Variants in ZC4H2 observed in about 807,000 individuals in gnomAD.
The protein encoded by ZC4H2 is zinc finger C4H2 domain-containing protein.
For synonymous variants in ZC4H2, 84 were observed against 66.3 expected (o/e 1.27, Z -1.30); for missense variants, 137 against 173.9 (o/e 0.79, Z 1.19).
intron 1 of ZC4H2, among the ~76,000 whole-genome samples, chrX:65,033,934 C>A: frequency 9.1e-6 from 1 of 110,317 alleles, no homozygotes; most frequent in Non-Finnish European, 1.9e-5. Context: ...ACTAAAAATA[C>A]AAAAATTAGC....
chrX:64,955,194 A>G (rs1454663218), intron 1 of ZC4H2, among the ~76,000 whole-genome samples: 1 of 111,989 alleles, frequency 8.9e-6, no homozygotes, highest in Non-Finnish European at 1.9e-5. Context: ...AAAACAATCA[A>G]ACCTTCAGGT....
chrX:64,920,353 A>C (rs1929142217), intron 2 of ZC4H2, 100 bp from the exon 3 acceptor site: 2 of 933,348 alleles, frequency 2.1e-6, no homozygotes, highest in Non-Finnish European at 2.9e-6. Flanking sequence ...GAACTTGTTC[A>C]GTCTATATTC....
intron 1 of ZC4H2, among the ~76,000 whole-genome samples, chrX:64,942,585 G>A (rs1930340558): frequency 9.5e-6 from 1 of 105,280 alleles, no homozygotes; most frequent in Non-Finnish European, 1.9e-5. Flanking sequence ...TGTGGTGTTT[G>A]GTTTTCTGTT....
At chrX:65,015,035 A>G (rs1481356419) in intron 1 of ZC4H2, among the ~76,000 whole-genome samples, 2 of 111,567 alleles carry the variant, frequency 1.8e-5, no homozygotes, top group African/African-American at 6.5e-5. Flanking sequence ...GCAAATTAAA[A>G]TCCCAAACTG....
chrX:64,941,652 A>G (rs1328054372), intron 1 of ZC4H2, among the ~76,000 whole-genome samples: 3 of 112,217 alleles, frequency 2.7e-5, no homozygotes, highest in Non-Finnish European at 3.8e-5. Context: ...TGAAATAATC[A>G]TGAGGTTTTT....
intron 1 of ZC4H2, among the ~76,000 whole-genome samples, chrX:64,995,454 GGC>G (rs2147275918): frequency 8.9e-6 from 1 of 111,964 alleles, no homozygotes; most frequent in East Asian, 2.8e-4. Context: ...ATGCCTCCTG[GGC>G]TAAAGTGATC....
intron 1 of ZC4H2, among the ~76,000 whole-genome samples, chrX:64,984,462 C>T (rs1270319478): frequency 2.7e-5 from 3 of 111,318 alleles, no homozygotes; most frequent in Non-Finnish European, 3.8e-5. Flanking sequence ...GGTTGCATTA[C>T]GGATGAATTC....
chrX:65,024,987 A>G (rs1336532997), intron 1 of ZC4H2, among the ~76,000 whole-genome samples: 3 of 110,758 alleles, frequency 2.7e-5, no homozygotes, highest in African/African-American at 9.9e-5. Context: ...AATCCTACAC[A>G]TGTACTCCCC....
At chrX:64,939,604 A>T (rs927154139) in intron 1 of ZC4H2, among the ~76,000 whole-genome samples, 2 of 109,864 alleles carry the variant, frequency 1.8e-5, no homozygotes, top group African/African-American at 6.6e-5. Context: ...ATAGAACAGA[A>T]CAGAGGCCTC....
intron 4 of ZC4H2, chrX:64,918,162 TGAA>T (rs778386058): frequency 3.9e-6 from 1 of 259,095 alleles, no homozygotes; most frequent in African/African-American, 2.8e-5. Flanking sequence ...GTCATTATAA[TGAA>T]GCATTGTCTA....
Position 65,014,217 on chromosome X carries a change from G to A in ZC4H2, c.-272+20412C>T, listed in dbSNP as rs778300635. 8.1e-5 allele frequency among the ~76,000 whole-genome samples: 9 copies of A among 111,229 alleles called. No homozygotes were observed. The East Asian group carries it at 2.6e-3, about 32-fold the overall frequency. On this transcript the variant is annotated intron_variant, in intron 1 of 4. Coordinates refer to the ZC4H2 transcript ENST00000337990. ...TACTTGTATGTATAGCACACCGGAG[G>A]TAAACAACAGGGCTGCTTGTGGCTT...
chrX:64,971,020 TAAAAC>T (rs1219671072), intron 1 of ZC4H2, among the ~76,000 whole-genome samples: 1 of 112,224 alleles, frequency 8.9e-6, no homozygotes, highest in East Asian at 2.8e-4. Context: ...TACACATATT[TAAAAC>T]TAAACAAAAC....
intron 1 of ZC4H2, among the ~76,000 whole-genome samples, chrX:65,024,075 T>A (rs1932857239): frequency 9.4e-6 from 1 of 106,856 alleles, no homozygotes; most frequent in Non-Finnish European, 1.9e-5. Flanking sequence ...ATGGACACAG[T>A]GAGGGAAACA....
At chrX:64,919,356 G>T in intron 3 of ZC4H2, 152 bp from the exon 4 acceptor site, 1 of 559,367 alleles carries the variant, frequency 1.8e-6, no homozygotes, top group Non-Finnish European at 2.8e-6. Flanking sequence ...TTGTCCCTGG[G>T]TACTAGGCCC....
chrX:64,948,430 C>A (rs2147384475), intron 1 of ZC4H2, among the ~76,000 whole-genome samples: 1 of 111,229 alleles, frequency 9.0e-6, no homozygotes, highest in South Asian at 3.8e-4. Context: ...TTTTTTTGTG[C>A]ACACTTAGGT....
intron 1 of ZC4H2, among the ~76,000 whole-genome samples, chrX:65,000,483 C>G (rs1178266590): frequency 8.9e-6 from 1 of 112,068 alleles, no homozygotes; most frequent in Non-Finnish European, 1.9e-5. Flanking sequence ...TGAGGAAACA[C>G]CAGCGCAAAA....
chrX:64,939,938 TAACTA>T (rs763480147), intron 1 of ZC4H2, among the ~76,000 whole-genome samples: 3 of 111,577 alleles, frequency 2.7e-5, no homozygotes, highest in Non-Finnish European at 3.8e-5. Context: ...AAAAGGGATC[TAACTA>T]AACTAAAGAG....
At chrX:64,996,184 G>A (rs1345117011) in intron 1 of ZC4H2, among the ~76,000 whole-genome samples, 1 of 111,728 alleles carries the variant, frequency 9.0e-6, no homozygotes, top group Non-Finnish European at 1.9e-5. Context: ...ACAGAAATAG[G>A]TGAATTTTTT....
Position 64,920,199 on chromosome X carries a change from T to C in ZC4H2, c.280A>G (p.Thr94Ala). The C allele has an allele frequency of 1.7e-6, 2 of 1,211,665 alleles. No individual in the cohort carries two copies. The highest frequency in any genetic ancestry group is 2.2e-6 in the Non-Finnish European group (2 of 895,450). ...ENDLNKLLES[T>A]RRLHDEYKPL... is the part of the protein sequence containing the mutation. ...TTATACTCATCATGCAGCCTCCTTG[T>C]AGACTCTAGCAGCTTGTTTAGGTCA... Residue 94 changes from threonine (T) to alanine (A), a missense_variant, in exon 3 of 5, where the codon ACA becomes GCA. By Grantham distance (58) the Thr-to-Ala change is moderately conservative. Transcript: ENST00000374839.
Sources: gnomAD v4.1 joint callset for allele counts (sites outside exome capture counted in the v4.1 genomes callset) on GRCh38, gnomAD v4.1.1 for gene constraint, MANE v1.5 for transcripts, NCBI Gene and HGNC (gene_info 2026-07-23, HGNC 2026-07-21) for gene names.